HSPBP1: variants seen among roughly 807,000 people sequenced by gnomAD.
HSPBP1 encodes the protein HSPA (Hsp70) binding protein 1, also known as hsp70-binding protein 1.
Under a neutral mutation model 41.7 loss-of-function variants are expected in HSPBP1, and 31 were observed. That is an observed-to-expected ratio of 0.74 (90% CI 0.56 to 1.00). HSPBP1 has a LOEUF of 1.00. HSPBP1 is among the 50% of genes least tolerant of loss of function. The probability of loss-of-function intolerance (pLI) is 0.00; values close to 1 mark genes in which losing one functional copy is unlikely to be tolerated. For synonymous variants in HSPBP1, 199 were observed against 214.4 expected, an observed-to-expected ratio of 0.93 and a Z score of 0.63; for missense variants, 439 against 487.9, an observed-to-expected ratio of 0.90 and a Z score of 0.94.
Position 55,265,267 on chromosome 19 carries a change from TC to T in HSPBP1, c.1005+10del. On this transcript the variant is annotated intron_variant, in intron 7 of 7. Coordinates refer to ENST00000433386, the MANE Select transcript of HSPBP1 (RefSeq NM_012267.5). ...CTGGTCCTCCTTGCACCCCGTCCCC[TC>T]CCCATGTACCTGGTACTCCTCATGC... 1 of 1,418,830 alleles carries T rather than the reference TC, an allele frequency of 7.0e-7. No homozygotes were observed. Among genetic ancestry groups the T allele is most frequent in the Non-Finnish European group, 9.4e-7 (1 of 1,059,558 alleles). The allele number at this position is 1,418,830 out of a possible 1,614,324, so 87.9% of individuals were successfully genotyped here.
rs1600160662 is a variant in HSPBP1 at position 55,280,084 on chromosome 19, A to C, written c.-144T>G. Reference sequence around the variant, plus strand: ...TGCTCCTACAGACAAAGTCGTCCGCACCTGACTCTGCTGGGCGCCGCCATC... The same window carrying C: ...TGCTCCTACAGACAAAGTCGTCCGCCCCTGACTCTGCTGGGCGCCGCCATC... On this transcript the variant is annotated 5_prime_UTR_variant, in exon 1 of 8. Transcript: ENST00000433386. The C allele has an allele frequency of 4.4e-6, 1 of 225,646 alleles. No homozygotes were observed. Among genetic ancestry groups the C allele is most frequent in the African/African-American group, 2.4e-5 (1 of 41,976 alleles). 14.0% of individuals were successfully genotyped at this position (225,646 alleles called of 1,614,324 possible).
In HSPBP1 at chr19:55,270,498, G is replaced by A. The variant is rs907260951; in HGVS notation, c.640+3900C>T. On this transcript the variant is annotated intron_variant, in intron 4 of 7. Coordinates refer to ENST00000433386, the MANE Select transcript of HSPBP1 (RefSeq NM_012267.5). The surrounding 1 kb of genome is among the most constrained non-coding windows in gnomAD (Gnocchi z 5.4). Reference sequence around the variant, plus strand: ...GCAACCTCATGAAGACGCAAAGCCAGAAGCCGCCCTCCTCAGCAGGGGCCA... The same window carrying A: ...GCAACCTCATGAAGACGCAAAGCCAAAAGCCGCCCTCCTCAGCAGGGGCCA... Among the ~76,000 whole-genome samples, 4 of 152,148 alleles carry A rather than the reference G, an allele frequency of 2.6e-5. No individual in the cohort carries two copies. The highest frequency in any genetic ancestry group is 1.9e-4 in the East Asian group (1 of 5,190).
At chr19:55,274,357 A>AC in intron 4 of HSPBP1, 41 bp downstream of exon 4, 1 of 206,246 alleles carries the variant, frequency 4.8e-6, no homozygotes, top group Non-Finnish European at 8.6e-6. Flanking sequence ...ACCCCCCCCC[A>AC]CCGCCAGCAC....
chr19:55,273,821 C>T (rs1380235460), intron 4 of HSPBP1, among the ~76,000 whole-genome samples: 1 of 152,014 alleles, frequency 6.6e-6, no homozygotes, highest in Non-Finnish European at 1.5e-5. Flanking sequence ...ACACCTGTAA[C>T]CTCAACACTT....
Position 55,270,638 on chromosome 19 carries a change from C to T in HSPBP1, c.640+3760G>A, listed in dbSNP as rs1009918477. ...CAGGATGGCCTGTGCCAGCCGTGCA[C>T]ATCTGAGGAAACGAGATTAATCCGT... On this transcript the variant is annotated intron_variant, in intron 4 of 7. Coordinates refer to ENST00000433386, the MANE Select transcript of HSPBP1 (RefSeq NM_012267.5). This position sits in a 1 kb window ranked among gnomAD's most constrained non-coding sequence, Gnocchi z 5.4. 2.6e-5 allele frequency among the ~76,000 whole-genome samples: 4 copies of T among 152,116 alleles called. No homozygotes were observed. Among genetic ancestry groups the T allele is most frequent in the Admixed American group, 1.3e-4 (2 of 15,270 alleles).
rs2087899499 is a variant in HSPBP1, at chr19:55,270,661, CGT to C, written c.640+3735_640+3736del. Among the ~76,000 whole-genome samples, 1 of 152,044 alleles carries C rather than the reference CGT, an allele frequency of 6.6e-6. No homozygotes were observed. Among genetic ancestry groups the C allele is most frequent in the African/African-American group, 2.4e-5 (1 of 41,364 alleles). ...CACATCTGAGGAAACGAGATTAATCCGTGTGTCTGTGTGCACACATACCACAC... is the reference window on the plus strand; with the variant it reads ...CACATCTGAGGAAACGAGATTAATCCGTGTCTGTGTGCACACATACCACAC... On this transcript the variant is annotated intron_variant, in intron 4 of 7. Coordinates refer to ENST00000433386, the MANE Select transcript of HSPBP1 (RefSeq NM_012267.5). This position sits in a 1 kb window ranked among gnomAD's most constrained non-coding sequence, Gnocchi z 5.4.
intron 4 of HSPBP1, among the ~76,000 whole-genome samples, chr19:55,269,406 C>A (rs1714558276): frequency 6.6e-6 from 1 of 152,158 alleles, no homozygotes; most frequent in Non-Finnish European, 1.5e-5. Context: ...TTCCACCCAC[C>A]CTCGCCGCAT....
rs1172518575 is a variant in HSPBP1, at chr19:55,272,659, G to A, written c.640+1739C>T. Among the ~76,000 whole-genome samples the A allele has an allele frequency of 2.0e-5, 3 of 152,044 alleles. No homozygotes were observed. Among genetic ancestry groups the A allele is most frequent in the African/African-American group, 7.2e-5 (3 of 41,424 alleles). ...AGGTTGAGACCAGCCTGGCCAACAG[G>A]GTGAAACCCCGTCTCTACTAAAAAT... On this transcript the variant is annotated intron_variant, in intron 4 of 7. Coordinates refer to ENST00000433386, the MANE Select transcript of HSPBP1 (RefSeq NM_012267.5). The surrounding 1 kb of genome is among the most constrained non-coding windows in gnomAD (Gnocchi z 4.2).
chr19:55,274,565 GC>G lies in HSPBP1; in HGVS notation c.472del (p.Ala158LeufsTer78). 2 of 1,608,926 alleles carry G rather than the reference GC, an allele frequency of 1.2e-6. No individual in the cohort carries two copies. ...LLVGRYLEAG[A>X]AGLRWRAAQL... Reference sequence around the variant, plus strand: ...TGCCGCCCGCCACCGCAGTCCCGCAGCCCCCGCCTCCAGGTACCGGCCCACC... The same window carrying G: ...TGCCGCCCGCCACCGCAGTCCCGCAGCCCCGCCTCCAGGTACCGGCCCACC... On this transcript the variant is annotated frameshift_variant, in exon 4 of 8. Transcript: ENST00000433386. LOFTEE classifies it high-confidence loss of function.
chr19:55,262,311 C>A lies in HSPBP1; in HGVS notation c.*297G>T. 1 of 1,182,592 alleles carries A rather than the reference C, an allele frequency of 8.5e-7. No individual in the cohort carries two copies. Among genetic ancestry groups the A allele is most frequent in the Non-Finnish European group, 1.1e-6 (1 of 942,806 alleles). The allele number at this position is 1,182,592 out of a possible 1,614,324, so 73.3% of individuals were successfully genotyped here. On this transcript the variant is annotated 3_prime_UTR_variant, in exon 8 of 8. Transcript: ENST00000433386. Reference sequence around the variant, plus strand: ...GCCCCTCCTCCCGTCCCCCATGCACCCTCCAAAGGAGATGACAAAGGCGGC... The same window carrying A: ...GCCCCTCCTCCCGTCCCCCATGCACACTCCAAAGGAGATGACAAAGGCGGC...
chr19:55,274,639 A>G lies in HSPBP1; in HGVS notation c.416-17T>C. On this transcript the variant is annotated splice_polypyrimidine_tract_variant and intron_variant, in intron 3 of 7. Coordinates refer to ENST00000433386, the MANE Select transcript of HSPBP1 (RefSeq NM_012267.5). ...GGCAGAAGTCTGTGCCACAGAGGGG[A>G]GCAGAGAGAGGCCAGATGTTAGGGA... 1.3e-6 allele frequency: 2 copies of G among 1,591,216 alleles called. No individual in the cohort carries two copies. Among genetic ancestry groups the G allele is most frequent in the Non-Finnish European group, 1.7e-6 (2 of 1,170,416 alleles).
At position 55,271,000 on chromosome 19, in the gene HSPBP1, G is replaced by A. The variant is rs112194275; in HGVS notation, c.640+3398C>T. On this transcript the variant is annotated intron_variant, in intron 4 of 7. Coordinates refer to ENST00000433386, the MANE Select transcript of HSPBP1 (RefSeq NM_012267.5). The surrounding 1 kb of genome is among the most constrained non-coding windows in gnomAD (Gnocchi z 5.4). ...CACACCATACACACCCTACACACGC[G>A]CCACACACCCACTACACACACACAT... 0.019 allele frequency among the ~76,000 whole-genome samples: 2,756 copies of A among 145,944 alleles called. 91 individuals carry two copies. Among genetic ancestry groups the A allele is most frequent in the African/African-American group, 0.067 (2,626 of 39,420 alleles).
intron 1 of HSPBP1, 148 bp from the exon 2 acceptor site, chr19:55,279,850 T>A: frequency 2.4e-6 from 2 of 844,750 alleles, no homozygotes; most frequent in Non-Finnish European, 3.7e-6. Context: ...CCTTTCTCCC[T>A]AGCAACAGGC....
In HSPBP1 at chr19:55,265,924, G is replaced by A; in HGVS notation, c.855C>T (p.His285=). The A allele has an allele frequency of 6.2e-7, 1 of 1,608,638 alleles. No homozygotes were observed. The highest frequency in any genetic ancestry group is 8.5e-7 in the Non-Finnish European group (1 of 1,178,522). ...QQLVALVRTE[H]SPFHEHVLGA... ...CAAGCACGTGCTCGTGGAAGGGGCT[G>A]TGCTCTGTCCGCACCAGGGCCACCA... The change falls in exon 6 of 8, where the codon CAC becomes CAT. Residue 285 remains histidine (H), a synonymous_variant. Transcript: ENST00000433386.
At chr19:55,264,134 A>AT (rs1237928820) in intron 7 of HSPBP1, among the ~76,000 whole-genome samples, 1 of 151,820 alleles carries the variant, frequency 6.6e-6, no homozygotes, top group Non-Finnish European at 1.5e-5. Context: ...TGCCCAGCTA[A>AT]TTTTTTGTAT....
Position 55,279,644 on chromosome 19 carries a change from G to A in HSPBP1, c.-36C>T, listed in dbSNP as rs754101241. On this transcript the variant is annotated 5_prime_UTR_variant, in exon 2 of 8. Coordinates refer to ENST00000433386, the MANE Select transcript of HSPBP1 (RefSeq NM_012267.5). ...TGAAGAAGGGAAGAATGTGTTAGAG[G>A]GAGAAGGTGGTCACCGCTGAAGCAG... The A allele has an allele frequency of 3.5e-5, 55 of 1,553,758 alleles. No individual in the cohort carries two copies. The highest frequency in any genetic ancestry group is 8.2e-5 in the South Asian group (7 of 84,914).
At chr19:55,275,286 C>A (rs936090621) in intron 3 of HSPBP1, among the ~76,000 whole-genome samples, 1 of 152,104 alleles carries the variant, frequency 6.6e-6, no homozygotes, top group Non-Finnish European at 1.5e-5. Flanking sequence ...TATTGGAGAG[C>A]GTGGCAGTTC....
Position 55,279,484 on chromosome 19 carries a change from G to C in HSPBP1, c.125C>G (p.Pro42Arg). Reference protein sequence around the residue: ...SAGGSGNSRPPRNLQGLLQMA... With the variant: ...SAGGSGNSRPRRNLQGLLQMA... ...CTGCAGCAAGCCTTGGAGGTTGCGT[G>C]GGGGCCGGGAATTGCCCGAGCCCCC... Residue 42 changes from proline to arginine, a missense_variant, in exon 2 of 8, where the codon CCA (proline) becomes CGA (arginine). Pro to Arg is a moderately radical substitution (Grantham distance 103). Transcript: ENST00000433386. 6.2e-7 allele frequency: 1 copy of C among 1,606,478 alleles called. No homozygotes were observed.
In HSPBP1 at chr19:55,266,107, G is replaced by A. The variant is rs778049165; in HGVS notation, c.796+24C>T. 9 of 1,597,158 alleles carry A rather than the reference G, an allele frequency of 5.6e-6. No individual in the cohort carries two copies. In the South Asian group the frequency reaches 1.0e-4, roughly 18 times the overall value. The stretch of plus-strand genomic sequence containing the variant: ...CCCAGGGCGTCTGCTCCCCACTCCT[G>A]CCCTCACTCAAGGGCTGCCACACCT... On this transcript the variant is annotated intron_variant, in intron 5 of 7. Transcript: ENST00000433386.
Sources: allele counts gnomAD v4.1 joint callset (sites outside exome capture counted in the v4.1 genomes callset), GRCh38; gene constraint gnomAD v4.1.1; non-coding constraint Gnocchi (gnomAD v3.1); transcripts MANE v1.5; gene names NCBI Gene and HGNC (gene_info 2026-07-23, HGNC 2026-07-21).